Variants in TSG101 observed in about 807,000 individuals in gnomAD.
TSG101 encodes tumor susceptibility gene 101 protein.
TSG101 carries 19 observed loss-of-function variants against 48.5 expected under a neutral mutation model. That is an observed-to-expected ratio of 0.39 (90% CI 0.27 to 0.58). TSG101 has a LOEUF of 0.58. Ranked by LOEUF, TSG101 falls within the 20% of genes least tolerant of loss-of-function variation. The pLI, the probability that TSG101 is intolerant of heterozygous loss-of-function variation, is 0.55. For missense variants in TSG101, 365 were observed against 484.4 expected (o/e 0.75, Z 2.31); for synonymous variants, 174 against 169.4 (o/e 1.03, Z -0.21).
intron 1 of TSG101, among the ~76,000 whole-genome samples, chr11:18,521,032 GAA>G (rs148238384): frequency 5.8e-5 from 8 of 137,932 alleles, no homozygotes; most frequent in East Asian, 4.1e-4. Context: ...CTCCGTCTTG[GAA>G]AAAAAAAAAA....
At chr11:18,482,260 C>G (rs1325889844) in intron 8 of TSG101, among the ~76,000 whole-genome samples, 1 of 152,186 alleles carries the variant, frequency 6.6e-6, no homozygotes, top group Non-Finnish European at 1.5e-5. Context: ...TTTCCTCAGT[C>G]TATGAAGAGG....
At chr11:18,492,286 T>A (rs542173261) in intron 7 of TSG101, among the ~76,000 whole-genome samples, 3 of 152,336 alleles carry the variant, frequency 2.0e-5, no homozygotes, top group African/African-American at 7.2e-5. Flanking sequence ...TAATTAAGCA[T>A]TCAATCACAT....
At chr11:18,509,688 A>T (rs1397028776) in intron 4 of TSG101, 23 bp from the exon 5 acceptor site, 1 of 1,570,236 alleles carries the variant, frequency 6.4e-7, no homozygotes, top group Non-Finnish European at 8.7e-7. Context: ...AAAAAATTCA[A>T]GTCAGCTACA....
rs376351223 is a variant in TSG101, at chr11:18,484,066, C to G, written c.647G>C (p.Ser216Thr). 4.3e-6 allele frequency: 7 copies of G among 1,614,126 alleles called. No individual in the cohort carries two copies. The highest frequency in any genetic ancestry group is 2.2e-5 in the South Asian group (2 of 91,078). ...SQPPVTTVGP[S>T]RDGTISEDTI... ...GTCCTCGCTGATTGTGCCATCCCTA[C>G]TGGGACCTGCAGGAAACAGAGGCAA... Residue 216 changes from serine to threonine, a missense_variant, in exon 8 of 10, where the codon AGT becomes ACT. Coordinates refer to ENST00000251968, the MANE Select transcript of TSG101 (RefSeq NM_006292.4).
intron 7 of TSG101, among the ~76,000 whole-genome samples, chr11:18,495,667 T>C (rs1291084715): frequency 1.8e-5 from 1 of 55,214 alleles, no homozygotes; most frequent in South Asian, 1.1e-3. Context: ...ACCAGTTAGG[T>C]TTTTTTTTTT....
At position 18,509,667 on chromosome 11, in the gene TSG101, T is replaced by A. The variant is rs1477189971; in HGVS notation, c.358-2A>T. ...AAGCCCCAACAAGTCTGACTGTGGC[T>A]ACAAAATGAAAAAAAATTCAAGTCA... On this transcript the variant is annotated splice_acceptor_variant, in intron 4 of 9. Transcript: ENST00000251968. LOFTEE classifies it high-confidence loss of function. 1.3e-6 allele frequency: 2 copies of A among 1,574,586 alleles called. No homozygotes were observed. The highest frequency in any genetic ancestry group is 8.6e-7 in the Non-Finnish European group (1 of 1,158,858).
chr11:18,514,747 A>T lies in TSG101; in HGVS notation c.288T>A (p.Thr96=). The T allele has an allele frequency of 1.3e-6, 2 of 1,596,814 alleles. No homozygotes were observed. Among genetic ancestry groups the T allele is most frequent in the South Asian group, 2.3e-5 (2 of 87,538 alleles). ...CATCAACATGCTTTCCTGTTTTAAT[A>T]GTCATTGAACTAGTAGGCTTAACAA... ...ICFVKPTSSM[T]IKTGKHVDAN... is the part of the protein sequence containing the mutation. The change falls in exon 4 of 10, where the codon ACT becomes ACA. Residue 96 remains threonine (T), a synonymous_variant. Transcript: ENST00000251968.
intron 7 of TSG101, among the ~76,000 whole-genome samples, chr11:18,494,009 C>A (rs1849737589): frequency 6.6e-6 from 1 of 152,106 alleles, no homozygotes; most frequent in South Asian, 2.1e-4. Context: ...TCTATCAACA[C>A]AATCAATAAG....
chr11:18,487,019 CAAA>C (rs1032341338), intron 7 of TSG101, among the ~76,000 whole-genome samples: 13 of 148,616 alleles, frequency 8.7e-5, no homozygotes, highest in Non-Finnish European at 1.9e-4. Context: ...ATCACAAGGA[CAAA>C]AAAACCAAAC....
In TSG101 at chr11:18,480,589, A is replaced by G. The variant is rs1590266706; in HGVS notation, c.1130T>C (p.Met377Thr). The change falls in exon 10 of 10, where the codon ATG becomes ACG. Residue 377 changes from methionine to threonine, a missense_variant. Physicochemically the swap from Met to Thr is moderately conservative, Grantham distance 81 (BLOSUM62 -1). Transcript: ENST00000251968. ...SRKQFQLRALMQKARKTAGLS... is the reference protein window; with the variant it reads ...SRKQFQLRALTQKARKTAGLS... ...ACCGGCAGTCTTTCTTGCTTTTTGC[A>G]TTAGTGCCCTCAGCTGGAACTGTTT... 1 of 1,613,954 alleles carries G rather than the reference A, an allele frequency of 6.2e-7. No individual in the cohort carries two copies. The highest frequency in any genetic ancestry group is 8.5e-7 in the Non-Finnish European group (1 of 1,179,950).
intron 6 of TSG101, among the ~76,000 whole-genome samples, chr11:18,505,267 T>C (rs979809478): frequency 2.0e-5 from 3 of 152,050 alleles, no homozygotes; most frequent in Non-Finnish European, 4.4e-5. Context: ...AATCTTTTTT[T>C]TTTTTTTGAG....
intron 7 of TSG101, among the ~76,000 whole-genome samples, chr11:18,495,316 G>A (rs1324454860): frequency 6.6e-6 from 1 of 152,174 alleles, no homozygotes; most frequent in African/African-American, 2.4e-5. Context: ...GTCAAACTGT[G>A]TATATGTTAA....
At chr11:18,495,318 A>G (rs532510638) in intron 7 of TSG101, among the ~76,000 whole-genome samples, 69 of 152,344 alleles carry the variant, frequency 4.5e-4, no homozygotes, top group African/African-American at 1.6e-3. Flanking sequence ...CAAACTGTGT[A>G]TATGTTAAAG....
rs570298549 is a variant in TSG101, at chr11:18,484,927, A to T, written c.641-855T>A. ...AGGACGTTAAGTATATTTAACCTTAATTGCCGCCTTTTTTTTTTTTTTTTT... is the reference window on the plus strand; with the variant it reads ...AGGACGTTAAGTATATTTAACCTTATTTGCCGCCTTTTTTTTTTTTTTTTT... On this transcript the variant is annotated intron_variant, in intron 7 of 9. Transcript: ENST00000251968. Among the ~76,000 whole-genome samples, 5 of 133,212 alleles carry T rather than the reference A, an allele frequency of 3.8e-5. No homozygotes were observed. The South Asian group carries it at 1.1e-3, about 30-fold the overall frequency. 87.4% of individuals were successfully genotyped at this position (133,212 alleles called of 152,430 possible). A position where few individuals can be genotyped will look rare whatever the true frequency, so the allele number is the denominator to read the frequency against.
At position 18,526,847 on chromosome 11, in the gene TSG101, G is replaced by T; in HGVS notation, c.-31C>A. 6.3e-7 allele frequency: 1 copy of T among 1,595,462 alleles called. No individual in the cohort carries two copies. Among genetic ancestry groups the T allele is most frequent in the Non-Finnish European group, 8.5e-7 (1 of 1,177,044 alleles). On this transcript the variant is annotated 5_prime_UTR_variant, in exon 1 of 10. It adds an upstream start codon to the 5' untranslated region. Transcript: ENST00000251968. ...CCGCCTGGCGACTCCCTTCCCCGCAGGCAGAGGGTCAGCCGCTGCTGGGCT... is the reference window on the plus strand; with the variant it reads ...CCGCCTGGCGACTCCCTTCCCCGCATGCAGAGGGTCAGCCGCTGCTGGGCT...
chr11:18,516,877 G>A (rs1264435286), intron 2 of TSG101, among the ~76,000 whole-genome samples: 1 of 151,780 alleles, frequency 6.6e-6, no homozygotes, highest in African/African-American at 2.4e-5. Flanking sequence ...GGAGGCAGAG[G>A]TTGCAGTGAG....
intron 3 of TSG101, 115 bp from the exon 4 acceptor site, chr11:18,514,956 C>G (rs1850147529): frequency 2.1e-6 from 2 of 938,182 alleles, no homozygotes; most frequent in Admixed American, 3.5e-5. Flanking sequence ...CCGCATCCCC[C>G]CCATTCCTAT....
At chr11:18,494,934 T>A (rs994557535) in intron 7 of TSG101, among the ~76,000 whole-genome samples, 5 of 152,204 alleles carry the variant, frequency 3.3e-5, no homozygotes, top group African/African-American at 1.2e-4. Context: ...GCTCTCTTAT[T>A]TTTCTTCACC....
intron 7 of TSG101, among the ~76,000 whole-genome samples, chr11:18,499,097 A>G (rs988632041): frequency 1.3e-5 from 2 of 150,480 alleles, no homozygotes; most frequent in African/African-American, 2.4e-5. Context: ...GGTACTGAAG[A>G]TAACAAAGAG....
Sources: allele counts gnomAD v4.1 joint callset (sites outside exome capture counted in the v4.1 genomes callset), GRCh38; gene constraint gnomAD v4.1.1; transcripts MANE v1.5; gene names NCBI Gene and HGNC (gene_info 2026-07-23, HGNC 2026-07-21).